SFRP2: variants seen among roughly 807,000 people sequenced by gnomAD.
SFRP2 encodes secreted frizzled-related protein 2.
In SFRP2, 16 loss-of-function variants were observed where a neutral mutation model predicts 26.0. That is an observed-to-expected ratio of 0.61 (90% confidence interval 0.42 to 0.93). The LOEUF is 0.93. SFRP2 is among the 40% of genes least tolerant of loss of function. SFRP2 has a pLI of 0.00. For missense variants in SFRP2, 343 were observed against 392.4 expected (o/e 0.87, Z 1.06); for synonymous variants, 173 against 167.3 (o/e 1.03, Z -0.26).
At position 153,789,041 on chromosome 4, in the gene SFRP2, G is replaced by A. The variant is rs1428722891; in HGVS notation, c.-206C>T. The A allele has an allele frequency of 3.7e-6, 2 of 544,256 alleles. No individual in the cohort carries two copies. Among genetic ancestry groups the A allele is most frequent in the African/African-American group, 2.0e-5 (1 of 49,412 alleles). 33.7% of individuals were successfully genotyped at this position (544,256 alleles called of 1,614,324 possible). On this transcript the variant is annotated 5_prime_UTR_variant, in exon 1 of 3. Coordinates refer to ENST00000274063, the MANE Select transcript of SFRP2 (RefSeq NM_003013.3). ...CGCTGCAAGCCCGCGCGCAGCTCCG[G>A]GGGGCTCCGACCCGGGGGAGCAGAA... is the stretch of plus-strand genomic sequence containing the variant.
intron 2 of SFRP2, among the ~76,000 whole-genome samples, chr4:153,782,278 T>G (rs541765175): frequency 6.6e-6 from 1 of 152,378 alleles, no homozygotes; most frequent in South Asian, 2.1e-4. Context: ...GAAGGAGAAT[T>G]GATCTTACAG....
At position 153,788,957 on chromosome 4, in the gene SFRP2, T is replaced by G; in HGVS notation, c.-122A>C. Reference sequence around the variant, plus strand: ...GGTGCGACTCGGGGCCCCGAAAAGCTGGCAGCCGGCGGCTGGGGCGCGGAG... The same window carrying G: ...GGTGCGACTCGGGGCCCCGAAAAGCGGGCAGCCGGCGGCTGGGGCGCGGAG... On this transcript the variant is annotated 5_prime_UTR_variant, in exon 1 of 3. Transcript: ENST00000274063. 2.6e-6 allele frequency: 3 copies of G among 1,150,030 alleles called. No homozygotes were observed. The highest frequency in any genetic ancestry group is 1.7e-5 in the African/African-American group (1 of 59,242). The allele number at this position is 1,150,030 out of a possible 1,614,324, so 71.2% of individuals were successfully genotyped here.
At chr4:153,787,143 A>G (rs1741224424) in intron 1 of SFRP2, among the ~76,000 whole-genome samples, 2 of 152,250 alleles carry the variant, frequency 1.3e-5, no homozygotes, top group East Asian at 1.9e-4. Flanking sequence ...AGCAACATAC[A>G]TAAAACTGCC....
At chr4:153,784,872 A>C (rs1741176951) in intron 2 of SFRP2, among the ~76,000 whole-genome samples, 1 of 152,214 alleles carries the variant, frequency 6.6e-6, no homozygotes, top group Non-Finnish European at 1.5e-5. Context: ...TTGGAAAAGG[A>C]TAAAAGCAAG....
In SFRP2 at chr4:153,788,320, GAGGGAAGGCTTA is replaced by G; in HGVS notation, c.502+2_502+13del. On this transcript the variant is annotated splice_donor_variant and splice_donor_5th_base_variant and intron_variant, in intron 1 of 2. Transcript: ENST00000274063. LOFTEE classifies it high-confidence loss of function. ...AGCCCAGCAGGGAGTGGGGAAGCAAGAGGGAAGGCTTACCTTCCTCGGTGGCTGGCAGGAGGT... is the reference window on the plus strand; with the variant it reads ...AGCCCAGCAGGGAGTGGGGAAGCAAGCCTTCCTCGGTGGCTGGCAGGAGGT... 6.2e-7 allele frequency: 1 copy of G among 1,605,188 alleles called. No individual in the cohort carries two copies. Among genetic ancestry groups the G allele is most frequent in the Non-Finnish European group, 8.5e-7 (1 of 1,174,090 alleles).
rs779164142 is a variant in SFRP2 at position 153,781,376 on chromosome 4, G to A, written c.*75C>T. On this transcript the variant is annotated 3_prime_UTR_variant, in exon 3 of 3. Coordinates refer to ENST00000274063, the MANE Select transcript of SFRP2 (RefSeq NM_003013.3). ...CAGCTAGGAGTGTGCTTGGGGAACG[G>A]GAGCTGAGATCCCGGAGCAGAAATG... 43 of 1,385,084 alleles carry A rather than the reference G, an allele frequency of 3.1e-5. No individual in the cohort carries two copies. Among genetic ancestry groups the A allele is most frequent in the Non-Finnish European group, 4.1e-5 (41 of 1,001,432 alleles). 85.8% of individuals were successfully genotyped at this position (1,385,084 alleles called of 1,614,324 possible).
In SFRP2 at chr4:153,781,433, G is replaced by A; in HGVS notation, c.*18C>T. ...CGTGCTCTGGAGCAGGCCTGTCGGA[G>A]CCATCAGGATGCCGGGACTAGCACT... On this transcript the variant is annotated 3_prime_UTR_variant, in exon 3 of 3. Transcript: ENST00000274063. The A allele has an allele frequency of 6.2e-7, 1 of 1,603,126 alleles. No homozygotes were observed. Among genetic ancestry groups the A allele is most frequent in the Non-Finnish European group, 8.5e-7 (1 of 1,175,182 alleles).
intron 2 of SFRP2, among the ~76,000 whole-genome samples, chr4:153,781,990 C>G (rs1475686289): frequency 1.3e-5 from 2 of 152,100 alleles, no homozygotes. Flanking sequence ...GCCATTTTTT[C>G]AAAACTCTCT....
At chr4:153,783,971 T>A (rs576161014) in intron 2 of SFRP2, among the ~76,000 whole-genome samples, 1 of 152,278 alleles carries the variant, frequency 6.6e-6, no homozygotes, top group South Asian at 2.1e-4. Context: ...TTTCTCTCTG[T>A]AAGGAGGGAG....
intron 2 of SFRP2, among the ~76,000 whole-genome samples, chr4:153,783,220 G>A (rs1400903655): frequency 6.6e-6 from 1 of 152,100 alleles, no homozygotes; most frequent in Non-Finnish European, 1.5e-5. Flanking sequence ...CTCTGCATTG[G>A]GAGTAGGGTG....
chr4:153,781,377 G>C lies in SFRP2; in HGVS notation c.*74C>G, dbSNP rs1186388155. ...AGCTAGGAGTGTGCTTGGGGAACGG[G>C]AGCTGAGATCCCGGAGCAGAAATGG... On this transcript the variant is annotated 3_prime_UTR_variant, in exon 3 of 3. Coordinates refer to ENST00000274063, the MANE Select transcript of SFRP2 (RefSeq NM_003013.3). The C allele has an allele frequency of 7.2e-7, 1 of 1,390,302 alleles. No individual in the cohort carries two copies. The highest frequency in any genetic ancestry group is 1.4e-5 in the African/African-American group (1 of 71,002). 86.1% of individuals were successfully genotyped at this position (1,390,302 alleles called of 1,614,324 possible).
At chr4:153,781,831 C>CACACGAGTTGGCA in intron 2 of SFRP2, 76 bp from the exon 3 acceptor site, 1 of 1,317,486 alleles carries the variant, frequency 7.6e-7, no homozygotes, top group Non-Finnish European at 1.1e-6. Flanking sequence ...TCTGCCAACT[C>CACACGAGTTGGCA]GTGTGACTTG....
rs78502616 is a variant in SFRP2, at chr4:153,786,826, C to G, written c.503-882G>C. ...CAATTATCAGAAGACCTGCTAAAAG[C>G]TCTTCTAAGAGTTTGATTTCTTGGG... On this transcript the variant is annotated intron_variant, in intron 1 of 2. Coordinates refer to ENST00000274063, the MANE Select transcript of SFRP2 (RefSeq NM_003013.3). 1.8e-3 allele frequency among the ~76,000 whole-genome samples: 272 copies of G among 149,998 alleles called. 4 individuals are homozygous for G. In the East Asian group the frequency reaches 0.041, roughly 23 times the overall value.
At chr4:153,784,712 T>A (rs763355464) in intron 2 of SFRP2, among the ~76,000 whole-genome samples, 1 of 152,174 alleles carries the variant, frequency 6.6e-6, no homozygotes, top group Admixed American at 6.5e-5. Context: ...ATGTTGAATA[T>A]GTAGAAGTGT....
In SFRP2 at chr4:153,788,820, C is replaced by T. The variant is rs1741263686; in HGVS notation, c.16G>A (p.Gly6Ser). ...GCGAGGAAGAGCAGCAGCAGCGAGC[C>T]AGGGCCCTGCAGCATCGTGGGCGCG... MLQGP[G>S]SLLLLFLASH... Residue 6 changes from glycine to serine, a missense_variant, in exon 1 of 3, where the codon GGC becomes AGC. Gly to Ser is a moderately conservative substitution (Grantham distance 56). Coordinates refer to ENST00000274063, the MANE Select transcript of SFRP2 (RefSeq NM_003013.3). 1 of 1,595,706 alleles carries T rather than the reference C, an allele frequency of 6.3e-7. No individual in the cohort carries two copies.
intron 2 of SFRP2, among the ~76,000 whole-genome samples, chr4:153,784,213 G>A (rs768207352): frequency 2.0e-4 from 30 of 152,208 alleles, no homozygotes; most frequent in Admixed American, 3.9e-4. Flanking sequence ...AGAAGAACAT[G>A]ATATTTTATA....
chr4:153,788,630 A>C lies in SFRP2; in HGVS notation c.206T>G (p.Met69Arg). The part of the protein sequence containing the change: ...RLPNLLGHET[M>R]KEVLEQAGAW... ...GCCGGCCTGCTCCAGCACCTCCTTCATGGTCTCGTGGCCCAGCAGGTTGGG... is the reference window on the plus strand; with the variant it reads ...GCCGGCCTGCTCCAGCACCTCCTTCCTGGTCTCGTGGCCCAGCAGGTTGGG... The change falls in exon 1 of 3, where the codon ATG becomes AGG. Residue 69 changes from methionine to arginine, a missense_variant. By Grantham distance (91) the Met-to-Arg change is moderately conservative. This residue lies in a region of SFRP2 where 251 missense variants were observed against 253.3 expected (regional missense o/e 0.99). Transcript: ENST00000274063. The C allele has an allele frequency of 6.2e-7, 1 of 1,614,112 alleles. No homozygotes were observed. The highest frequency in any genetic ancestry group is 8.5e-7 in the Non-Finnish European group (1 of 1,180,012).
Position 153,788,712 on chromosome 4 carries a change from G to A in SFRP2, c.124C>T (p.Pro42Ser). 6.2e-7 allele frequency: 1 copy of A among 1,613,978 alleles called. No homozygotes were observed. The highest frequency in any genetic ancestry group is 8.5e-7 in the Non-Finnish European group (1 of 1,180,046). ...CACAGCTGCAGGTTGGCAGGGATGG[G>A]CTTGCAATTGCTGCGCTTGTAGGAG... ...DFSYKRSNCK[P>S]IPANLQLCHG... is the part of the protein sequence containing the mutation. Residue 42 changes from proline (P) to serine (S), a missense_variant, in exon 1 of 3, where the codon CCC becomes TCC. Around this residue, in one of 2 missense-constraint regions of SFRP2, gnomAD observed 251 missense variants for 253.3 expected, o/e 0.99. Transcript: ENST00000274063.
In SFRP2 at chr4:153,780,593, G is replaced by C. The variant is rs1413471982; in HGVS notation, c.*858C>G. 1 of 152,522 alleles carries C rather than the reference G, an allele frequency of 6.6e-6. No individual in the cohort carries two copies. The highest frequency in any genetic ancestry group is 6.6e-5 in the Admixed American group (1 of 15,264). 9.4% of individuals were successfully genotyped at this position (152,522 alleles called of 1,614,324 possible). ...AAGACAAGACAGAAGACAAAGAATA[G>C]GTAAAACAGGATGTAAAGTTTATAT... On this transcript the variant is annotated 3_prime_UTR_variant, in exon 3 of 3. Coordinates refer to ENST00000274063, the MANE Select transcript of SFRP2 (RefSeq NM_003013.3).
Sources: gnomAD v4.1 joint callset for allele counts (sites outside exome capture counted in the v4.1 genomes callset) on GRCh38, gnomAD v4.1.1 for gene constraint, gnomAD v4.1.1 regional missense constraint, MANE v1.5 for transcripts, NCBI Gene and HGNC (gene_info 2026-07-23, HGNC 2026-07-21) for gene names.